The following RNFT2 variants were observed in gnomAD, a reference collection of about 807,000 sequenced individuals.
The protein encoded by RNFT2 is ring finger protein, transmembrane 2.
Under a neutral mutation model 53.0 loss-of-function variants are expected in RNFT2, and 36 were observed. That is an observed-to-expected ratio of 0.68 (90% CI 0.52 to 0.90). RNFT2 has a LOEUF of 0.90. Among genes scored for constraint, RNFT2 ranks in the 40% least tolerant of loss-of-function variants. The probability of loss-of-function intolerance (pLI) is 0.00; values close to 1 mark genes in which losing one functional copy is unlikely to be tolerated. For missense variants in RNFT2, 514 were observed against 585.6 expected (o/e 0.88, Z 1.26); for synonymous variants, 260 against 253.2 (o/e 1.03, Z -0.26).
chr12:116,789,960 GTGGATGGATGGA>G (rs71095596), intron 7 of RNFT2, among the ~76,000 whole-genome samples: 1 of 146,168 alleles, frequency 6.8e-6, no homozygotes, highest in African/African-American at 2.5e-5. Flanking sequence ...GGATGGGTGG[GTGGATGGATGGA>G]TGGATGGATG....
chr12:116,817,771 G>C (rs956282897), intron 7 of RNFT2, among the ~76,000 whole-genome samples: 4 of 152,154 alleles, frequency 2.6e-5, no homozygotes, highest in South Asian at 2.1e-4. Context: ...CCTGAGTTTT[G>C]AGCAGCACTG....
At chr12:116,773,549 T>G (rs1485789258) in intron 6 of RNFT2, among the ~76,000 whole-genome samples, 2 of 152,200 alleles carry the variant, frequency 1.3e-5, no homozygotes, top group Non-Finnish European at 2.9e-5. Flanking sequence ...GCGCTTCTGG[T>G]TGGCTTTTCA....
intron 7 of RNFT2, among the ~76,000 whole-genome samples, chr12:116,821,103 C>G (rs563857026): frequency 1.3e-5 from 2 of 152,202 alleles, no homozygotes; most frequent in East Asian, 3.9e-4. Flanking sequence ...TTACTCTTCC[C>G]CTGTTGCCTT....
At chr12:116,762,390 C>T (rs1872723327) in intron 5 of RNFT2, among the ~76,000 whole-genome samples, 1 of 116,554 alleles carries the variant, frequency 8.6e-6, no homozygotes, top group South Asian at 2.9e-4. Flanking sequence ...GATGGTTTCA[C>T]TCCATCTCAA....
chr12:116,741,733 C>T (rs1407558758), intron 3 of RNFT2, among the ~76,000 whole-genome samples: 1 of 152,176 alleles, frequency 6.6e-6, no homozygotes, highest in Non-Finnish European at 1.5e-5. Flanking sequence ...ACTATAGCCT[C>T]CAAATCCTAG....
At chr12:116,758,246 T>C (rs1403093557) in intron 5 of RNFT2, among the ~76,000 whole-genome samples, 4 of 152,158 alleles carry the variant, frequency 2.6e-5, no homozygotes, top group Admixed American at 2.6e-4. Context: ...AGGCAGCAGA[T>C]GGTTGGTTGG....
chr12:116,821,881 A>G (rs1472914900), intron 7 of RNFT2, among the ~76,000 whole-genome samples: 1 of 118,464 alleles, frequency 8.4e-6, no homozygotes, highest in African/African-American at 3.3e-5. Flanking sequence ...CATGGAGTGC[A>G]TGGAGTGCAG....
intron 7 of RNFT2, among the ~76,000 whole-genome samples, chr12:116,802,348 A>G (rs1874838970): frequency 6.6e-6 from 1 of 152,178 alleles, no homozygotes; most frequent in Non-Finnish European, 1.5e-5. Flanking sequence ...TCGGCAAACT[A>G]CAGGTGGGCC....
intron 3 of RNFT2, among the ~76,000 whole-genome samples, chr12:116,745,999 G>A (rs1871875688): frequency 6.6e-6 from 1 of 152,182 alleles, no homozygotes. Flanking sequence ...CACTTTGGGA[G>A]GCCAAGGCGG....
chr12:116,825,882 C>T (rs1214684768), intron 7 of RNFT2, among the ~76,000 whole-genome samples: 1 of 152,096 alleles, frequency 6.6e-6, no homozygotes, highest in Non-Finnish European at 1.5e-5. Flanking sequence ...AATCCCACGC[C>T]TTTAAACCAC....
At chr12:116,840,508 A>G (rs1307546587) in intron 10 of RNFT2, among the ~76,000 whole-genome samples, 1 of 152,216 alleles carries the variant, frequency 6.6e-6, no homozygotes, top group Non-Finnish European at 1.5e-5. Flanking sequence ...ATTCCTGGGA[A>G]TAGTCTCTGC....
chr12:116,845,109 T>C (rs1877535308), intron 10 of RNFT2, among the ~76,000 whole-genome samples: 1 of 151,730 alleles, frequency 6.6e-6, no homozygotes. Context: ...CCAGGCATGG[T>C]GGCACGTGCC....
At chr12:116,791,286 G>T (rs922829458) in intron 7 of RNFT2, among the ~76,000 whole-genome samples, 13 of 152,302 alleles carry the variant, frequency 8.5e-5, no homozygotes, top group South Asian at 4.1e-4. Flanking sequence ...GTTCATCCAT[G>T]TTGTAGCATG....
At chr12:116,840,542 G>A (rs553316621) in intron 10 of RNFT2, among the ~76,000 whole-genome samples, 10 of 152,310 alleles carry the variant, frequency 6.6e-5, no homozygotes, top group East Asian at 1.9e-4. Flanking sequence ...GCCTGTGCAC[G>A]TTGCCTCCTC....
intron 1 of RNFT2, among the ~76,000 whole-genome samples, chr12:116,739,886 A>G (rs982825170): frequency 2.6e-5 from 4 of 152,206 alleles, no homozygotes; most frequent in African/African-American, 9.7e-5. Context: ...TTAGTTTGAC[A>G]ATAGGATGAA....
intron 7 of RNFT2, among the ~76,000 whole-genome samples, chr12:116,796,795 G>C (rs1874523314): frequency 6.6e-6 from 1 of 152,120 alleles, no homozygotes; most frequent in African/African-American, 2.4e-5. Context: ...TATGGTTTTG[G>C]CTGCATAACA....
At chr12:116,830,407 C>T (rs887776796) in intron 7 of RNFT2, among the ~76,000 whole-genome samples, 5 of 152,128 alleles carry the variant, frequency 3.3e-5, no homozygotes, top group African/African-American at 1.2e-4. Flanking sequence ...CCCACCTCAG[C>T]CTCTCAAGTA....
chr12:116,770,472 G>T (rs569629972), intron 6 of RNFT2, among the ~76,000 whole-genome samples: 2 of 152,316 alleles, frequency 1.3e-5, no homozygotes, highest in African/African-American at 4.8e-5. Context: ...GTCATTAAGC[G>T]ATGTATGACT....
intron 3 of RNFT2, among the ~76,000 whole-genome samples, chr12:116,746,606 G>A (rs764391551): frequency 8.5e-5 from 13 of 152,142 alleles, no homozygotes; most frequent in Non-Finnish European, 1.3e-4. Flanking sequence ...GGAGACATCC[G>A]GTGAAGGTGA....
Sources: gnomAD v4.1 joint callset for allele counts (sites outside exome capture counted in the v4.1 genomes callset) on GRCh38, gnomAD v4.1.1 for gene constraint, MANE v1.5 for transcripts, NCBI Gene and HGNC (gene_info 2026-07-23, HGNC 2026-07-21) for gene names.